The following MACROD2 variants were observed in gnomAD, a reference collection of about 807,000 sequenced individuals.
MACROD2 encodes the protein mono-ADP ribosylhydrolase 2.
In MACROD2, 36 loss-of-function variants were observed where a neutral mutation model predicts 70.4. The ratio of observed to expected loss-of-function variants is 0.51; its 90% CI spans 0.39 to 0.68. The LOEUF is 0.68. MACROD2 is among the 30% of genes least tolerant of loss of function. The pLI, the probability that MACROD2 is intolerant of heterozygous loss-of-function variation, is 0.00. For missense variants in MACROD2, 496 were observed against 538.4 expected (o/e 0.92, Z 0.78); for synonymous variants, 172 against 178.8 (o/e 0.96, Z 0.30).
intron 8 of MACROD2, among the ~76,000 whole-genome samples, chr20:15,740,664 TA>T (rs2051090706): frequency 1.3e-5 from 2 of 151,954 alleles, no homozygotes; most frequent in Admixed American, 6.6e-5. Flanking sequence ...TTAGCATACC[TA>T]AAACAACTCA....
At chr20:15,280,321 T>C (rs2146086211) in intron 6 of MACROD2, among the ~76,000 whole-genome samples, 1 of 152,274 alleles carries the variant, frequency 6.6e-6, no homozygotes, top group South Asian at 2.1e-4. Flanking sequence ...AACTTTTTTT[T>C]TTATTTTATA....
chr20:14,652,391 A>G (rs995428011), intron 4 of MACROD2, among the ~76,000 whole-genome samples: 1 of 152,220 alleles, frequency 6.6e-6, no homozygotes, highest in African/African-American at 2.4e-5. Flanking sequence ...TACCATACAC[A>G]TTATTAATTT....
intron 5 of MACROD2, among the ~76,000 whole-genome samples, chr20:15,170,984 G>A (rs1197495114): frequency 2.6e-5 from 4 of 152,074 alleles, no homozygotes; most frequent in Non-Finnish European, 5.9e-5. Context: ...ATGGCAGGGC[G>A]GTCGCTGTCA....
chr20:14,960,564 C>T (rs964625246), intron 5 of MACROD2, among the ~76,000 whole-genome samples: 3 of 152,140 alleles, frequency 2.0e-5, no homozygotes, highest in Non-Finnish European at 4.4e-5. Context: ...AATGCATCTA[C>T]CATATTGTGT....
intron 5 of MACROD2, among the ~76,000 whole-genome samples, chr20:15,100,844 G>A (rs2075866834): frequency 6.6e-6 from 1 of 152,038 alleles, no homozygotes; most frequent in African/African-American, 2.4e-5. Context: ...AAAAAAGAAA[G>A]CCATGAAATG....
intron 5 of MACROD2, among the ~76,000 whole-genome samples, chr20:14,981,669 C>G (rs1223563856): frequency 6.6e-6 from 1 of 152,038 alleles, no homozygotes; most frequent in Non-Finnish European, 1.5e-5. Flanking sequence ...CCTGCACAAG[C>G]TGTCTTCTCT....
intron 5 of MACROD2, among the ~76,000 whole-genome samples, chr20:15,064,901 G>A (rs1395750875): frequency 6.6e-6 from 1 of 152,206 alleles, no homozygotes; most frequent in Non-Finnish European, 1.5e-5. Context: ...CATGCCAGAG[G>A]CAAGTGTGAG....
chr20:14,010,211 C>T (rs1056905127), intron 2 of MACROD2, among the ~76,000 whole-genome samples: 1 of 152,142 alleles, frequency 6.6e-6, no homozygotes, highest in Non-Finnish European at 1.5e-5. Context: ...ATCTGTATTA[C>T]ATACTATAAT....
At chr20:15,684,261 A>C (rs1449477141) in intron 8 of MACROD2, among the ~76,000 whole-genome samples, 1 of 152,178 alleles carries the variant, frequency 6.6e-6, no homozygotes, top group Non-Finnish European at 1.5e-5. Flanking sequence ...GTATGTAAAG[A>C]AGGTTGAATG....
At chr20:14,279,134 G>A (rs1388150798) in intron 3 of MACROD2, among the ~76,000 whole-genome samples, 1 of 152,142 alleles carries the variant, frequency 6.6e-6, no homozygotes, top group Non-Finnish European at 1.5e-5. Flanking sequence ...TGTTGTACAT[G>A]GGGTACTAAA....
intron 5 of MACROD2, among the ~76,000 whole-genome samples, chr20:14,799,073 TTTTAGAAA>T (rs1372694606): frequency 3.3e-5 from 5 of 152,116 alleles, no homozygotes; most frequent in Admixed American, 2.0e-4. Context: ...ACATTTCCTC[TTTTAGAAA>T]TTTACCTAAA....
intron 7 of MACROD2, among the ~76,000 whole-genome samples, chr20:15,453,539 A>G (rs572702213): frequency 1.7e-4 from 26 of 152,310 alleles, no homozygotes; most frequent in African/African-American, 5.5e-4. Flanking sequence ...CTGGAAACCT[A>G]TAATTGTGCC....
intron 1 of MACROD2, among the ~76,000 whole-genome samples, chr20:14,001,533 C>A (rs1057438328): frequency 1.3e-5 from 2 of 151,402 alleles, no homozygotes; most frequent in African/African-American, 4.9e-5. Flanking sequence ...TATATAGATA[C>A]TATTTTGTAT....
intron 6 of MACROD2, among the ~76,000 whole-genome samples, chr20:15,302,280 C>G (rs1314423843): frequency 6.6e-6 from 1 of 152,008 alleles, no homozygotes; most frequent in Admixed American, 6.6e-5. Context: ...TTCTGGTGAT[C>G]AAATGCATGA....
At chr20:15,798,548 T>C (rs1171726580) in intron 8 of MACROD2, among the ~76,000 whole-genome samples, 1 of 152,182 alleles carries the variant, frequency 6.6e-6, no homozygotes, top group Non-Finnish European at 1.5e-5. Context: ...TGGTAAAAAG[T>C]AAGTCACAAG....
At chr20:14,302,040 T>C (rs1346171230) in intron 3 of MACROD2, among the ~76,000 whole-genome samples, 1 of 152,260 alleles carries the variant, frequency 6.6e-6, no homozygotes, top group Non-Finnish European at 1.5e-5. Context: ...TTTCTGTTGC[T>C]ATATAATTAC....
At chr20:14,174,305 A>G (rs1305022598) in intron 3 of MACROD2, among the ~76,000 whole-genome samples, 1 of 152,030 alleles carries the variant, frequency 6.6e-6, no homozygotes, top group Non-Finnish European at 1.5e-5. Context: ...AGGATTAGAC[A>G]TGTCTGATCT....
chr20:16,016,680 C>T (rs184475925), intron 15 of MACROD2, among the ~76,000 whole-genome samples: 335 of 152,226 alleles, frequency 2.2e-3, no homozygotes, highest in African/African-American at 5.8e-3. Context: ...GGATTACAGG[C>T]ACCTACTACC....
chr20:14,970,264 T>C (rs1349792978), intron 5 of MACROD2, among the ~76,000 whole-genome samples: 1 of 152,138 alleles, frequency 6.6e-6, no homozygotes. Flanking sequence ...TTATGGGAAC[T>C]ACAGTTCAAG....
Sources: gnomAD v4.1 joint callset for allele counts (sites outside exome capture counted in the v4.1 genomes callset) on GRCh38, gnomAD v4.1.1 for gene constraint, MANE v1.5 for transcripts, NCBI Gene and HGNC (gene_info 2026-07-23, HGNC 2026-07-21) for gene names.